CHST9: variants seen among roughly 807,000 people sequenced by gnomAD.
CHST9 encodes carbohydrate sulfotransferase 9.
Under a neutral mutation model 44.4 loss-of-function variants are expected in CHST9, and 41 were observed. The observed-to-expected ratio is 0.92, with a 90% CI of 0.72 to 1.20. The LOEUF (loss-of-function observed/expected upper bound fraction) is 1.20. CHST9 is among the 50% of genes most tolerant of loss of function. CHST9 has a pLI of 0.00. For missense variants in CHST9, 504 were observed against 516.5 expected, an observed-to-expected ratio of 0.98 and a Z score of 0.23; for synonymous variants, 171 against 178.4, an observed-to-expected ratio of 0.96 and a Z score of 0.33.
Position 27,047,582 on chromosome 18 carries a change from A to G in CHST9, c.160+883T>C, listed in dbSNP as rs28522703. 4.6e-5 allele frequency among the ~76,000 whole-genome samples: 7 copies of G among 152,138 alleles called. No homozygotes were observed. In the South Asian group the frequency reaches 1.4e-3, roughly 32 times the overall value. ...GCTGTTTATACACTTTTAGATTAAG[A>G]TGGATCTTTGTCTTCTATTGACTAT... On this transcript the variant is annotated intron_variant, in intron 3 of 5. Transcript: ENST00000618847.
At chr18:27,032,053 T>G (rs2057346696) in intron 3 of CHST9, among the ~76,000 whole-genome samples, 3 of 152,110 alleles carry the variant, frequency 2.0e-5, no homozygotes. Flanking sequence ...TGCCAAGTGC[T>G]GGACCCAAAT....
At chr18:27,000,599 T>C (rs1208641289) in intron 4 of CHST9, among the ~76,000 whole-genome samples, 2 of 151,784 alleles carry the variant, frequency 1.3e-5, no homozygotes, top group Admixed American at 1.3e-4. Flanking sequence ...TACAGCACTT[T>C]CTCTCCATCA....
At chr18:27,107,068 G>A (rs2058227623) in intron 2 of CHST9, among the ~76,000 whole-genome samples, 3 of 152,158 alleles carry the variant, frequency 2.0e-5, no homozygotes, top group Admixed American at 1.3e-4. Context: ...AAGAAAAAAG[G>A]TGAAGTGTGA....
In CHST9 at chr18:26,916,963, C is replaced by T. The variant is rs1568089204; in HGVS notation, c.628G>A (p.Asp210Asn). ...TCACAATATAAGATTTTGTGTTTAT[C>T]TTCTACATAGATTCTGGATACTGTA... ...FHTVSRIYVEDKHKILYCEVP... is the reference protein window; with the variant it reads ...FHTVSRIYVENKHKILYCEVP... The change falls in exon 6 of 6, where the codon GAT becomes AAT. Residue 210 changes from aspartate (D) to asparagine (N), a missense_variant. Asp to Asn is a conservative substitution (Grantham distance 23). Transcript: ENST00000618847. 1.2e-6 allele frequency: 2 copies of T among 1,613,874 alleles called. No homozygotes were observed. The highest frequency in any genetic ancestry group is 8.5e-7 in the Non-Finnish European group (1 of 1,179,868).
At chr18:26,984,450 G>C (rs1039005637) in intron 4 of CHST9, among the ~76,000 whole-genome samples, 9 of 152,174 alleles carry the variant, frequency 5.9e-5, no homozygotes, top group African/African-American at 2.2e-4. Context: ...CATAAACTTG[G>C]AGTAGGCAAC....
chr18:27,005,150 A>G (rs1296734054), intron 4 of CHST9, among the ~76,000 whole-genome samples: 4 of 152,120 alleles, frequency 2.6e-5, no homozygotes. Flanking sequence ...TGATTTAGCG[A>G]CTCGTGTGAT....
intron 4 of CHST9, among the ~76,000 whole-genome samples, chr18:26,976,404 T>C (rs2056624552): frequency 6.6e-6 from 1 of 152,106 alleles, no homozygotes; most frequent in Admixed American, 6.6e-5. Flanking sequence ...GACAAGTGAT[T>C]TAGCCCCAGG....
intron 2 of CHST9, among the ~76,000 whole-genome samples, chr18:27,063,987 A>G (rs1004522800): frequency 3.9e-5 from 6 of 152,136 alleles, no homozygotes; most frequent in African/African-American, 7.2e-5. Flanking sequence ...GCACAATCCA[A>G]TTATATTTCC....
At chr18:26,925,160 T>C (rs141795516) in intron 5 of CHST9, among the ~76,000 whole-genome samples, 283 of 152,200 alleles carry the variant, frequency 1.9e-3, no homozygotes, top group African/African-American at 6.2e-3. Context: ...CAGGAAAACA[T>C]GAAAGAGGAA....
chr18:27,148,668 T>C (rs572329099), intron 1 of CHST9, among the ~76,000 whole-genome samples: 67 of 150,592 alleles, frequency 4.4e-4, no homozygotes, highest in Middle Eastern at 6.8e-3. Context: ...TGTTGGACAT[T>C]TGGCTTGGTT....
At position 26,912,732 on chromosome 18, in the gene CHST9, G is replaced by A; in HGVS notation, c.*3527C>T. Reference sequence around the variant, plus strand: ...AATTAATGCATGTAAACTACTTGAAGAGTGCCTGACACCCAGTAAGTATTG... The same window carrying A: ...AATTAATGCATGTAAACTACTTGAAAAGTGCCTGACACCCAGTAAGTATTG... On this transcript the variant is annotated 3_prime_UTR_variant, in exon 6 of 6. Coordinates refer to ENST00000618847, the MANE Select transcript of CHST9 (RefSeq NM_031422.6). The A allele has an allele frequency of 6.6e-6, 1 of 152,218 alleles. No individual in the cohort carries two copies. Among genetic ancestry groups the A allele is most frequent in the East Asian group, 1.9e-4 (1 of 5,190 alleles). The allele number at this position is 152,218 out of a possible 1,614,324, so 9.4% of individuals were successfully genotyped here.
At chr18:26,998,808 T>C (rs2056916953) in intron 4 of CHST9, among the ~76,000 whole-genome samples, 1 of 152,154 alleles carries the variant, frequency 6.6e-6, no homozygotes, top group South Asian at 2.1e-4. Flanking sequence ...ACTGTTCTTT[T>C]TCATTCATAC....
At chr18:26,969,021 T>G (rs1162127585) in intron 4 of CHST9, among the ~76,000 whole-genome samples, 1 of 148,046 alleles carries the variant, frequency 6.8e-6, no homozygotes, top group Non-Finnish European at 1.5e-5. Context: ...TTTTTTGAGA[T>G]GGAGTCTCGC....
At chr18:26,991,525 T>C (rs1287952873) in intron 4 of CHST9, among the ~76,000 whole-genome samples, 2 of 152,226 alleles carry the variant, frequency 1.3e-5, no homozygotes, top group African/African-American at 4.8e-5. Context: ...TGTGGTTGGA[T>C]ATGAATTTGA....
chr18:27,045,537 G>T (rs1173042754), intron 3 of CHST9, among the ~76,000 whole-genome samples: 1 of 151,918 alleles, frequency 6.6e-6, no homozygotes, highest in Non-Finnish European at 1.5e-5. Flanking sequence ...ATAGAAAATT[G>T]ATGACATCAG....
At chr18:27,038,003 A>T (rs185812048) in intron 3 of CHST9, among the ~76,000 whole-genome samples, 2 of 152,290 alleles carry the variant, frequency 1.3e-5, no homozygotes, top group Admixed American at 1.3e-4. Flanking sequence ...CAAGAATAGG[A>T]CATTACTGGT....
At chr18:26,955,930 G>A (rs2056316429) in intron 4 of CHST9, among the ~76,000 whole-genome samples, 1 of 152,026 alleles carries the variant, frequency 6.6e-6, no homozygotes, top group South Asian at 2.1e-4. Context: ...TCATTTCTGT[G>A]AGTTATAGCC....
At chr18:27,090,857 T>C (rs1445663692) in intron 2 of CHST9, among the ~76,000 whole-genome samples, 1 of 152,218 alleles carries the variant, frequency 6.6e-6, no homozygotes, top group Non-Finnish European at 1.5e-5. Context: ...AGTCTTGTAT[T>C]ATAGTTTGAA....
At chr18:26,967,773 C>T (rs1387511717) in intron 4 of CHST9, among the ~76,000 whole-genome samples, 2 of 152,132 alleles carry the variant, frequency 1.3e-5, no homozygotes, top group African/African-American at 4.8e-5. Flanking sequence ...ACATTTGAAT[C>T]AGTGGACTGG....
Sources: gnomAD v4.1 joint callset for allele counts (sites outside exome capture counted in the v4.1 genomes callset) on GRCh38, gnomAD v4.1.1 for gene constraint, MANE v1.5 for transcripts, NCBI Gene and HGNC (gene_info 2026-07-23, HGNC 2026-07-21) for gene names.